The following OSBPL10 variants were observed in gnomAD, a reference collection of about 807,000 sequenced individuals.
The protein encoded by OSBPL10 is oxysterol-binding protein-related protein 10.
In OSBPL10, 49 loss-of-function variants were observed where a neutral mutation model predicts 81.7. That is an observed-to-expected ratio of 0.60 (90% CI 0.48 to 0.76). The LOEUF is 0.76. Among genes scored for constraint, OSBPL10 ranks in the 30% least tolerant of loss-of-function variants. The pLI is 0.00. For missense variants in OSBPL10, 923 were observed against 987.8 expected (o/e 0.93, Z 0.88); for synonymous variants, 419 against 383.6 (o/e 1.09, Z -1.08).
At chr3:31,826,857 T>G (rs1023031740) in intron 4 of OSBPL10, among the ~76,000 whole-genome samples, 2 of 152,262 alleles carry the variant, frequency 1.3e-5, no homozygotes, top group African/African-American at 2.4e-5. Context: ...GGAGTGAAGG[T>G]GGACATGGTG....
chr3:32,033,979 G>A (rs1259288107), intron 2 of OSBPL10, among the ~76,000 whole-genome samples: 1 of 152,150 alleles, frequency 6.6e-6, no homozygotes, highest in Non-Finnish European at 1.5e-5. Context: ...GTTCTACATT[G>A]CTAGGGACAC....
chr3:31,867,209 GGTCATTA>G (rs1437223679), intron 3 of OSBPL10, among the ~76,000 whole-genome samples: 2 of 152,146 alleles, frequency 1.3e-5, no homozygotes, highest in African/African-American at 4.8e-5. Context: ...TGGGAAACCA[GGTCATTA>G]GTAAGCGCCA....
rs1175499404 is a variant in OSBPL10, at chr3:32,065,252, T to C, written n.185+12144A>G. The C allele has an allele frequency of 9.6e-5, 9 of 93,560 alleles. 2 individuals are homozygous for C. Among genetic ancestry groups the C allele is most frequent in the African/African-American group, 2.5e-4 (9 of 36,460 alleles). The allele number at this position is 93,560 out of a possible 1,614,324, so 5.8% of individuals were successfully genotyped here. A position where few individuals can be genotyped will look rare whatever the true frequency, so the allele number is the denominator to read the frequency against. The stretch of plus-strand genomic sequence containing the variant: ...AAAGGCGGTTCATTGTTTTGGCAAC[T>C]TAGCAATATCATTAGACTCAAACTC... On this transcript the variant is annotated intron_variant and non_coding_transcript_variant, in intron 1 of 3. Coordinates refer to the OSBPL10 transcript ENST00000479173.
chr3:31,793,497 T>C (rs1225489637), intron 4 of OSBPL10, among the ~76,000 whole-genome samples: 1 of 152,276 alleles, frequency 6.6e-6, no homozygotes, highest in Non-Finnish European at 1.5e-5. Context: ...GCTGATGGCC[T>C]TCAATGCTGT....
chr3:31,959,180 T>TA (rs1202866446), intron 1 of OSBPL10, among the ~76,000 whole-genome samples: 2 of 152,178 alleles, frequency 1.3e-5, no homozygotes, highest in Admixed American at 1.3e-4. Context: ...TGCTACGAGA[T>TA]ATCGGCTCAC....
intron 3 of OSBPL10, among the ~76,000 whole-genome samples, chr3:31,853,689 C>G (rs1245392305): frequency 6.6e-6 from 1 of 152,216 alleles, no homozygotes; most frequent in Non-Finnish European, 1.5e-5. Context: ...TTCTTCTCTT[C>G]TTGGGCTGAG....
At chr3:31,688,352 T>C (rs1485271936) in intron 7 of OSBPL10, among the ~76,000 whole-genome samples, 1 of 151,078 alleles carries the variant, frequency 6.6e-6, no homozygotes, top group African/African-American at 2.4e-5. Flanking sequence ...TCCTGCCCTG[T>C]CTCTATGACA....
chr3:31,855,844 T>C (rs1346528857), intron 3 of OSBPL10, among the ~76,000 whole-genome samples: 1 of 151,862 alleles, frequency 6.6e-6, no homozygotes, highest in African/African-American at 2.4e-5. Context: ...CTGTCTACCC[T>C]CAAGTCAGAA....
chr3:31,973,133 G>A (rs987828323), intron 1 of OSBPL10, among the ~76,000 whole-genome samples: 2 of 152,148 alleles, frequency 1.3e-5, no homozygotes, highest in African/African-American at 2.4e-5. Flanking sequence ...CCACGTTTCC[G>A]GCACAATCAT....
chr3:31,706,339 G>A (rs1696062551), intron 6 of OSBPL10, among the ~76,000 whole-genome samples: 4 of 152,190 alleles, frequency 2.6e-5, no homozygotes, highest in African/African-American at 9.6e-5. Context: ...TGTAAGTCTG[G>A]GCATTTTTCT....
Position 31,664,144 on chromosome 3 carries a change from G to A in OSBPL10, c.2185C>T (p.Arg729Trp), listed in dbSNP as rs1023366197. ...EQKRHLEEKQ[R>W]VEERKRENLR... The stretch of plus-strand genomic sequence containing the variant: ...TTCTCGCGCTTCCGTTCCTCCACCC[G>A]TTGCTTCTCCTCCAGGTGCCGCTTC... The change falls in exon 11 of 12, where the codon CGG (arginine) becomes TGG (tryptophan). Residue 729 changes from arginine (R) to tryptophan (W), a missense_variant. Arg to Trp is a moderately radical substitution (Grantham distance 101). Around this residue, in one of 3 missense-constraint regions of OSBPL10, gnomAD observed 387 missense variants for 436.3 expected, o/e 0.89. Transcript: ENST00000396556. 5.6e-6 allele frequency: 9 copies of A among 1,613,632 alleles called. No homozygotes were observed. The highest frequency in any genetic ancestry group is 3.3e-5 in the Admixed American group (2 of 59,974).
chr3:31,924,902 C>A (rs1697026750), intron 1 of OSBPL10, among the ~76,000 whole-genome samples: 1 of 152,166 alleles, frequency 6.6e-6, no homozygotes, highest in Non-Finnish European at 1.5e-5. Context: ...GAGATAATTT[C>A]ATCTTTTCTT....
In OSBPL10 at chr3:32,074,648, C is replaced by T. The variant is rs1318008281; in HGVS notation, n.185+2748G>A. Among the ~76,000 whole-genome samples the T allele has an allele frequency of 2.0e-5, 3 of 152,132 alleles. No homozygotes were observed. In the East Asian group the frequency reaches 5.8e-4, roughly 29 times the overall value. ...CCTCTTGCTTGCTTATACCCAGCCC[C>T]ATGAATAGCAGTGAAAGGTTACTTG... On this transcript the variant is annotated intron_variant and non_coding_transcript_variant, in intron 1 of 3. Coordinates refer to the OSBPL10 transcript ENST00000479173.
At chr3:31,879,307 T>A (rs1701560852) in intron 2 of OSBPL10, 1 of 173,152 alleles carries the variant, frequency 5.8e-6, no homozygotes, top group Non-Finnish European at 1.2e-5. Context: ...TTTTTTGCCC[T>A]TATAGCACAG....
intron 4 of OSBPL10, 96 bp from the exon 5 acceptor site, chr3:31,748,216 G>A (rs1697595516): frequency 2.8e-6 from 3 of 1,073,142 alleles, no homozygotes; most frequent in South Asian, 1.4e-5. Context: ...GTAAAACTAG[G>A]TGAGGGTCAA....
In OSBPL10 at chr3:31,762,191, A is replaced by G. The variant is rs75890981; in HGVS notation, c.730-14071T>C. 2.3e-4 allele frequency among the ~76,000 whole-genome samples: 35 copies of G among 152,302 alleles called. No individual in the cohort carries two copies. In the East Asian group the frequency reaches 5.4e-3, roughly 23 times the overall value. The stretch of plus-strand genomic sequence containing the variant: ...CTTCAACAAGCTTATCTAAAGCTCA[A>G]GGTCTGGTTTTAACCCAGCATTTAG... On this transcript the variant is annotated intron_variant, in intron 4 of 11. Transcript: ENST00000396556.
At chr3:31,953,007 A>G (rs912560256) in intron 1 of OSBPL10, among the ~76,000 whole-genome samples, 3 of 142,534 alleles carry the variant, frequency 2.1e-5, no homozygotes, top group Non-Finnish European at 4.5e-5. Context: ...ATCTCGGCTC[A>G]CTGCAACCTC....
intron 3 of OSBPL10, among the ~76,000 whole-genome samples, chr3:31,837,545 C>T (rs1449040530): frequency 3.3e-5 from 5 of 150,558 alleles, no homozygotes; most frequent in African/African-American, 9.7e-5. Flanking sequence ...AGCTTCATTC[C>T]TTTTAATATT....
rs573532245 is a variant in OSBPL10 at position 31,971,739 on chromosome 3, A to G, written c.281+9160T>C. On this transcript the variant is annotated intron_variant, in intron 1 of 11. Coordinates refer to ENST00000396556, the MANE Select transcript of OSBPL10 (RefSeq NM_017784.5). ...ATGATCAAACTACATCTCACAGGCT[A>G]TATCAGCCCACCGCCAGCTTTTATA... Among the ~76,000 whole-genome samples, 3 of 146,056 alleles carry G rather than the reference A, an allele frequency of 2.1e-5. No individual in the cohort carries two copies. In the East Asian group the frequency reaches 6.2e-4, roughly 30 times the overall value.
Sources: gnomAD v4.1 joint callset for allele counts (sites outside exome capture counted in the v4.1 genomes callset) on GRCh38, gnomAD v4.1.1 for gene constraint, gnomAD v4.1.1 regional missense constraint, MANE v1.5 for transcripts, NCBI Gene and HGNC (gene_info 2026-07-23, HGNC 2026-07-21) for gene names.